ATP9A: variants seen among roughly 807,000 people sequenced by gnomAD.
The protein encoded by ATP9A is probable phospholipid-transporting ATPase IIA.
In ATP9A, 52 loss-of-function variants were observed where a neutral mutation model predicts 144.1. The observed-to-expected ratio is 0.36, with a 90% CI of 0.29 to 0.45. The LOEUF is 0.45. Among genes scored for constraint, ATP9A ranks in the 20% least tolerant of loss-of-function variants. ATP9A has a pLI of 1.00. For missense variants in ATP9A, 947 were observed against 1,392.7 expected (o/e 0.68, Z 5.09); for synonymous variants, 582 against 557.4 (o/e 1.04, Z -0.62).
intron 5 of ATP9A, 56 bp downstream of exon 5, chr20:51,697,368 G>T (rs2122828578): frequency 1.3e-6 from 2 of 1,506,886 alleles, no homozygotes; most frequent in African/African-American, 1.4e-5. Flanking sequence ...ATACACAAAT[G>T]ACACATTAGG....
intron 2 of ATP9A, among the ~76,000 whole-genome samples, chr20:51,727,136 C>T (rs2077717991): frequency 6.6e-6 from 1 of 150,672 alleles, no homozygotes; most frequent in Admixed American, 6.6e-5. Context: ...TACAAAAATA[C>T]AAAAAATTAG....
intron 13 of ATP9A, among the ~76,000 whole-genome samples, chr20:51,660,085 T>TA (rs137984376): frequency 2.0e-5 from 3 of 152,202 alleles, no homozygotes; most frequent in Non-Finnish European, 2.9e-5. Context: ...ACCCTTTTTT[T>TA]AAAAAATTCT....
intron 14 of ATP9A, among the ~76,000 whole-genome samples, chr20:51,644,336 G>C (rs8116559): frequency 0.024 from 3,351 of 140,284 alleles, 142 homozygotes; most frequent in African/African-American, 0.084. Flanking sequence ...GCAGTGGCGC[G>C]ATCTCGGCTC....
chr20:51,760,434 T>C (rs1568850674), intron 1 of ATP9A, among the ~76,000 whole-genome samples: 1 of 152,136 alleles, frequency 6.6e-6, no homozygotes, highest in Non-Finnish European at 1.5e-5. Flanking sequence ...AAATAAAGAA[T>C]GTAAGTACTG....
intron 22 of ATP9A, among the ~76,000 whole-genome samples, chr20:51,616,442 C>T (rs1420814286): frequency 6.6e-6 from 1 of 152,200 alleles, no homozygotes; most frequent in Non-Finnish European, 1.5e-5. Flanking sequence ...CCTCAGCCTC[C>T]TGAGTAGCTG....
intron 25 of ATP9A, 126 bp downstream of exon 25, chr20:51,608,392 G>C: frequency 1.4e-6 from 1 of 699,254 alleles, no homozygotes. Flanking sequence ...ACCAGTTCAA[G>C]TGTGTTCAAA....
chr20:51,732,760 T>C (rs2077747483), intron 1 of ATP9A, among the ~76,000 whole-genome samples: 1 of 151,684 alleles, frequency 6.6e-6, no homozygotes, highest in South Asian at 2.1e-4. Context: ...TGGCCATCAG[T>C]GGACACTCAC....
intron 14 of ATP9A, among the ~76,000 whole-genome samples, chr20:51,656,447 G>A (rs926309370): frequency 6.6e-6 from 1 of 152,128 alleles, no homozygotes; most frequent in Non-Finnish European, 1.5e-5. Context: ...CAGCTATTCA[G>A]GAGGCTGAGG....
rs2077128034 is a variant in ATP9A, at chr20:51,598,353, G to A, written c.*2858C>T. The A allele has an allele frequency of 6.6e-6, 1 of 152,116 alleles. No homozygotes were observed. Among genetic ancestry groups the A allele is most frequent in the African/African-American group, 2.4e-5 (1 of 41,392 alleles). 9.4% of individuals were successfully genotyped at this position (152,116 alleles called of 1,614,324 possible). ...GTTGTCAGAGGGCGCAGGGAGCTGTGAGTTTTGCTTTCAGGAAAAGTGTTC... is the reference window on the plus strand; with the variant it reads ...GTTGTCAGAGGGCGCAGGGAGCTGTAAGTTTTGCTTTCAGGAAAAGTGTTC... On this transcript the variant is annotated 3_prime_UTR_variant, in exon 28 of 28. Transcript: ENST00000338821.
chr20:51,711,938 C>T (rs1014333053), intron 4 of ATP9A, among the ~76,000 whole-genome samples: 2 of 150,684 alleles, frequency 1.3e-5, no homozygotes, highest in Non-Finnish European at 2.9e-5. Context: ...TCACTGCAGC[C>T]TCCGCCTCCT....
At chr20:51,690,223 A>G (rs559372150) in intron 8 of ATP9A, among the ~76,000 whole-genome samples, 38 of 151,598 alleles carry the variant, frequency 2.5e-4, no homozygotes, top group South Asian at 4.2e-4. Flanking sequence ...GATCAAGACC[A>G]TCCTGGCTAA....
intron 1 of ATP9A, among the ~76,000 whole-genome samples, chr20:51,741,023 TTAAATTTTAATTTAATTAATTAAAAA>T (rs1568843743): frequency 1.0e-5 from 1 of 98,750 alleles, no homozygotes; most frequent in East Asian, 5.4e-4. Flanking sequence ...TTAATTAAAA[TTAAATTTTAATTTAATTAATTAAAAA>T]TAAATTTTAA....
rs2077214977 is a variant in ATP9A, at chr20:51,618,961, G to A, written c.2198C>T (p.Ser733Phe). ...HDCALVISGDSLEVCLKYYEY... is the reference protein window; with the variant it reads ...HDCALVISGDFLEVCLKYYEY... ...AGGGGTCCCCAAGCTCACCTCCAGG[G>A]AGTCTCCCGAGATGACCAGGGCACA... Residue 733 changes from serine to phenylalanine, a missense_variant, in exon 20 of 28, where the codon TCC becomes TTC. Transcript: ENST00000338821. The A allele has an allele frequency of 8.1e-6, 13 of 1,614,026 alleles. No homozygotes were observed. The highest frequency in any genetic ancestry group is 9.3e-6 in the Non-Finnish European group (11 of 1,180,012).
intron 14 of ATP9A, among the ~76,000 whole-genome samples, chr20:51,650,237 T>C (rs2077358084): frequency 6.6e-6 from 1 of 152,142 alleles, no homozygotes; most frequent in Admixed American, 6.6e-5. Context: ...TTTTAAATTT[T>C]AAAAAATACT....
chr20:51,633,775 A>AGAAAG (rs1419055273), intron 15 of ATP9A, among the ~76,000 whole-genome samples: 2 of 149,756 alleles, frequency 1.3e-5, no homozygotes, highest in Non-Finnish European at 3.0e-5. Context: ...AGAAAAGAAA[A>AGAAAG]AAAGGGAGGG....
At chr20:51,767,192 A>T (rs2077908437) in intron 1 of ATP9A, among the ~76,000 whole-genome samples, 2 of 152,028 alleles carry the variant, frequency 1.3e-5, no homozygotes, top group Non-Finnish European at 2.9e-5. Flanking sequence ...GCCACCGGGA[A>T]ATGCCCAGAG....
At chr20:51,705,760 T>C (rs1228081208) in intron 4 of ATP9A, among the ~76,000 whole-genome samples, 1 of 152,190 alleles carries the variant, frequency 6.6e-6, no homozygotes, top group African/African-American at 2.4e-5. Flanking sequence ...AACTTTTGGT[T>C]TGGGGAAGGC....
intron 11 of ATP9A, among the ~76,000 whole-genome samples, chr20:51,672,507 A>T (rs116244288): frequency 7.6e-4 from 115 of 152,270 alleles, no homozygotes; most frequent in African/African-American, 2.6e-3. Context: ...ACTAAAGTGG[A>T]TGTATTTATC....
intron 3 of ATP9A, among the ~76,000 whole-genome samples, chr20:51,714,335 C>A (rs1333523189): frequency 6.6e-6 from 1 of 151,798 alleles, no homozygotes; most frequent in Non-Finnish European, 1.5e-5. Flanking sequence ...GGTGTGTGCG[C>A]CACCATGCCT....
Sources: allele counts gnomAD v4.1 joint callset (sites outside exome capture counted in the v4.1 genomes callset), GRCh38; gene constraint gnomAD v4.1.1; transcripts MANE v1.5; gene names NCBI Gene and HGNC (gene_info 2026-07-23, HGNC 2026-07-21).